Variants in RSF1 observed in about 807,000 individuals in gnomAD.
RSF1 encodes the protein HBV pX-associated protein 8.
A neutral mutation model predicts 145.2 loss-of-function variants in RSF1; 13 were observed. The observed-to-expected ratio is 0.09, with a 90% CI of 0.06 to 0.14. The LOEUF (loss-of-function observed/expected upper bound fraction) is 0.14. Among genes scored for constraint, RSF1 ranks in the 10% least tolerant of loss-of-function variants. The pLI is 1.00. For missense variants in RSF1, 1,517 were observed against 1,718.2 expected (o/e 0.88, Z 2.07); for synonymous variants, 577 against 592.6 (o/e 0.97, Z 0.38).
intron 1 of RSF1, among the ~76,000 whole-genome samples, chr11:77,794,562 C>A (rs1259857304): frequency 2.0e-5 from 3 of 151,728 alleles, no homozygotes; most frequent in Non-Finnish European, 4.4e-5. Flanking sequence ...AACATACAAA[C>A]ACATGGAAAT....
rs547795554 is a variant in RSF1 at position 77,708,530 on chromosome 11, G to C, written c.734-6035C>G. Among the ~76,000 whole-genome samples the C allele has an allele frequency of 2.2e-4, 33 of 152,262 alleles. No individual in the cohort carries two copies. In the South Asian group the frequency reaches 5.4e-3, roughly 25 times the overall value. On this transcript the variant is annotated intron_variant, in intron 5 of 15. Transcript: ENST00000308488. ...CATTTCATATCCTCTAGCCCACTCA[G>C]AAAGAGTTTTAATCAAAGTTTCATC... is the stretch of plus-strand genomic sequence containing the variant.
At chr11:77,789,579 A>G (rs1948495731) in intron 1 of RSF1, among the ~76,000 whole-genome samples, 1 of 152,184 alleles carries the variant, frequency 6.6e-6, no homozygotes, top group Non-Finnish European at 1.5e-5. Context: ...CTGAGATGTG[A>G]GCAGAGCGTG....
chr11:77,766,753 A>G (rs186909680), intron 1 of RSF1, among the ~76,000 whole-genome samples: 27 of 152,350 alleles, frequency 1.8e-4, no homozygotes, highest in African/African-American at 5.8e-4. Flanking sequence ...TAAGCAGGAG[A>G]GTCTGTTGCA....
chr11:77,675,396 C>T (rs1230998314), intron 13 of RSF1, 140 bp from the exon 14 acceptor site: 2 of 644,426 alleles, frequency 3.1e-6, no homozygotes, highest in Non-Finnish European at 5.1e-6. Flanking sequence ...ATCAAATGCC[C>T]TATTTATAAA....
chr11:77,814,541 G>A (rs1035265672), intron 1 of RSF1, among the ~76,000 whole-genome samples: 1 of 152,076 alleles, frequency 6.6e-6, no homozygotes, highest in Non-Finnish European at 1.5e-5. Context: ...TGCCTCCCAG[G>A]TTCAAGCGAT....
chr11:77,779,904 A>G (rs1219271882), intron 1 of RSF1, among the ~76,000 whole-genome samples: 1 of 152,208 alleles, frequency 6.6e-6, no homozygotes, highest in African/African-American at 2.4e-5. Flanking sequence ...TGCTATTTCT[A>G]GCCTCTAGGG....
chr11:77,725,416 ACCT>A lies in RSF1; in HGVS notation c.733+126_733+128del, dbSNP rs1961030290. ...TTTTCTTTAAATTAAGGAAAAATCA[ACCT>A]CCTTTTATAAGAAGGCTCCCAATTC... On this transcript the variant is annotated intron_variant, in intron 5 of 15. Transcript: ENST00000308488. 3 of 721,990 alleles carry A rather than the reference ACCT, an allele frequency of 4.2e-6. No individual in the cohort carries two copies. The South Asian group carries it at 1.8e-4, about 43-fold the overall frequency. The allele number at this position is 721,990 out of a possible 1,614,324, so 44.7% of individuals were successfully genotyped here.
At chr11:77,774,769 T>C (rs1948324486) in intron 1 of RSF1, among the ~76,000 whole-genome samples, 1 of 138,788 alleles carries the variant, frequency 7.2e-6, no homozygotes, top group Non-Finnish European at 1.5e-5. Flanking sequence ...TCTTTCTTTT[T>C]TTTCTTTTTT....
chr11:77,732,567 C>T (rs1329946701), intron 4 of RSF1, among the ~76,000 whole-genome samples: 1 of 152,162 alleles, frequency 6.6e-6, no homozygotes, highest in Admixed American at 6.5e-5. Context: ...TTCCCATCTG[C>T]TGTGGGAGGA....
In RSF1 at chr11:77,661,202, CAT is replaced by C. The variant is rs2135797594; in HGVS notation, c.*5713_*5714del. On this transcript the variant is annotated 3_prime_UTR_variant, in exon 16 of 16. Coordinates refer to ENST00000308488, the MANE Select transcript of RSF1 (RefSeq NM_016578.4). ...AAGCCCTGCTCTACCACCATCTTAG[CAT>C]AGGACATACCCTTTCAAAGTGTACA... 6.6e-6 allele frequency: 1 copy of C among 152,244 alleles called. No individual in the cohort carries two copies. The highest frequency in any genetic ancestry group is 2.1e-4 in the South Asian group (1 of 4,822). 9.4% of individuals were successfully genotyped at this position (152,244 alleles called of 1,614,324 possible).
chr11:77,757,991 G>C (rs1948132280), intron 2 of RSF1, among the ~76,000 whole-genome samples: 1 of 152,042 alleles, frequency 6.6e-6, no homozygotes, highest in South Asian at 2.1e-4. Flanking sequence ...AAATTAGCCA[G>C]GTGTGGTAGC....
At position 77,735,274 on chromosome 11, in the gene RSF1, G is replaced by T. The variant is rs1043069288; in HGVS notation, c.578+5457C>A. On this transcript the variant is annotated intron_variant, in intron 4 of 15. Coordinates refer to ENST00000308488, the MANE Select transcript of RSF1 (RefSeq NM_016578.4). ...AATTTTGCAACTTGCAGAAATGGAA[G>T]TTGCTACGTAACAGTACAAGTTTTA... Among the ~76,000 whole-genome samples, 4 of 152,280 alleles carry T rather than the reference G, an allele frequency of 2.6e-5. No individual in the cohort carries two copies. In the South Asian group the frequency reaches 8.3e-4, roughly 32 times the overall value.
intron 1 of RSF1, among the ~76,000 whole-genome samples, chr11:77,794,311 G>C (rs555886471): frequency 7.9e-5 from 12 of 152,216 alleles, no homozygotes; most frequent in South Asian, 2.1e-4. Context: ...TTAAGAAATC[G>C]AAATCATCTA....
At chr11:77,715,426 TAAAGTA>T (rs1393288387) in intron 5 of RSF1, among the ~76,000 whole-genome samples, 1 of 152,220 alleles carries the variant, frequency 6.6e-6, no homozygotes, top group Non-Finnish European at 1.5e-5. Flanking sequence ...TATACTTGTT[TAAAGTA>T]AAACAATGTT....
intron 1 of RSF1, among the ~76,000 whole-genome samples, chr11:77,766,860 G>C (rs1948231594): frequency 6.6e-6 from 1 of 152,146 alleles, no homozygotes; most frequent in Non-Finnish European, 1.5e-5. Context: ...GAGGTGGGGT[G>C]CAGGGCCGAA....
chr11:77,667,932 T>C (rs2135805598), intron 15 of RSF1, among the ~76,000 whole-genome samples: 1 of 152,236 alleles, frequency 6.6e-6, no homozygotes, highest in Middle Eastern at 3.4e-3. Context: ...CTCGAACTCC[T>C]GACCTTGTGA....
intron 4 of RSF1, among the ~76,000 whole-genome samples, chr11:77,728,525 G>C (rs1241431070): frequency 6.6e-6 from 1 of 150,786 alleles, no homozygotes; most frequent in Non-Finnish European, 1.5e-5. Context: ...AAGGAAAGGG[G>C]AAAGGAAAGG....
the RSF1 span, among the ~76,000 whole-genome samples, chr11:77,860,894 G>C: frequency 6.6e-6 from 1 of 152,244 alleles, no homozygotes; most frequent in African/African-American, 2.4e-5. Context: ...ATAATCCTGA[G>C]ATCTTGCACT....
intron 5 of RSF1, among the ~76,000 whole-genome samples, chr11:77,708,216 T>C (rs1426807528): frequency 6.6e-6 from 1 of 152,116 alleles, no homozygotes; most frequent in African/African-American, 2.4e-5. Context: ...GCCCAGGAGT[T>C]TGAGACCAGC....
Sources: gnomAD v4.1 joint callset for allele counts (sites outside exome capture counted in the v4.1 genomes callset) on GRCh38, gnomAD v4.1.1 for gene constraint, MANE v1.5 for transcripts, NCBI Gene and HGNC (gene_info 2026-07-23, HGNC 2026-07-21) for gene names.